Variants in EIF2B3 observed in about 807,000 individuals in gnomAD.
EIF2B3 encodes eukaryotic translation initiation factor 2B subunit gamma.
EIF2B3 carries 20 observed loss-of-function variants against 54.1 expected under a neutral mutation model. The observed-to-expected ratio is 0.37, with a 90% CI of 0.26 to 0.54. The LOEUF (loss-of-function observed/expected upper bound fraction) is 0.54. EIF2B3 is among the 20% of genes least tolerant of loss of function. The pLI is 0.86. For missense variants in EIF2B3, 448 were observed against 547.8 expected (o/e 0.82, Z 1.82); for synonymous variants, 153 against 188.1 (o/e 0.81, Z 1.52).
At chr1:44,877,192 TAAAAAAAAAAA>T (rs768263508) in intron 8 of EIF2B3, among the ~76,000 whole-genome samples, 20 of 52,054 alleles carry the variant, frequency 3.8e-4, no homozygotes, top group African/African-American at 6.2e-4. Flanking sequence ...GAATGATCAA[TAAAAAAAAAAA>T]AAAAAAAAAA....
chr1:44,880,304 G>T (rs1437520819), intron 7 of EIF2B3, among the ~76,000 whole-genome samples: 1 of 152,100 alleles, frequency 6.6e-6, no homozygotes, highest in African/African-American at 2.4e-5. Flanking sequence ...ACTAAAATCT[G>T]TAAGAGAAAG....
At chr1:44,898,236 C>T (rs1277534462) in intron 5 of EIF2B3, among the ~76,000 whole-genome samples, 1 of 152,138 alleles carries the variant, frequency 6.6e-6, no homozygotes, top group African/African-American at 2.4e-5. Context: ...GGACTCACCC[C>T]AGGATACACT....
intron 5 of EIF2B3, among the ~76,000 whole-genome samples, chr1:44,904,537 G>A (rs1259959871): frequency 2.0e-5 from 3 of 151,442 alleles, no homozygotes; most frequent in Non-Finnish European, 2.9e-5. Context: ...TTTTTGAGAC[G>A]GAGTCTCGTT....
chr1:44,926,065 T>TA (rs35945437), intron 5 of EIF2B3, among the ~76,000 whole-genome samples: 2 of 151,632 alleles, frequency 1.3e-5, no homozygotes, highest in African/African-American at 2.4e-5. Flanking sequence ...CCGTCTCTAC[T>TA]AAAAATACAA....
intron 4 of EIF2B3, among the ~76,000 whole-genome samples, chr1:44,932,116 A>AACACAC (rs59619203): frequency 4.0e-5 from 6 of 148,428 alleles, no homozygotes; most frequent in African/African-American, 1.5e-4. Flanking sequence ...TCTCAAAACG[A>AACACAC]ACACACACAC....
intron 1 of EIF2B3, among the ~76,000 whole-genome samples, chr1:44,986,138 C>CTTTTTT (rs66786376): frequency 7.0e-6 from 1 of 142,230 alleles, no homozygotes; most frequent in Non-Finnish European, 1.5e-5. Context: ...CTTTTCTTTT[C>CTTTTTT]TTTTTTTTTT....
intron 3 of EIF2B3, among the ~76,000 whole-genome samples, chr1:44,952,481 C>T (rs1448271658): frequency 6.6e-6 from 1 of 151,778 alleles, no homozygotes; most frequent in African/African-American, 2.4e-5. Context: ...ATCTTTCTGA[C>T]ACAAAATTAA....
chr1:44,858,478 T>A (rs1359739285), intron 10 of EIF2B3, among the ~76,000 whole-genome samples: 7 of 151,768 alleles, frequency 4.6e-5, no homozygotes, highest in East Asian at 1.9e-4. Context: ...TTCAAAAAAA[T>A]TTTTTTTTCT....
chr1:44,876,986 G>A (rs1655183577), intron 8 of EIF2B3, among the ~76,000 whole-genome samples: 1 of 148,650 alleles, frequency 6.7e-6, no homozygotes, highest in Non-Finnish European at 1.5e-5. Context: ...TTAAACAGAT[G>A]CTTGAAGGCA....
intron 5 of EIF2B3, among the ~76,000 whole-genome samples, chr1:44,913,912 C>T (rs991239164): frequency 1.1e-4 from 16 of 146,440 alleles, no homozygotes; most frequent in African/African-American, 3.3e-4. Context: ...CTGCAACCTC[C>T]GCCTCCCGGG....
intron 5 of EIF2B3, among the ~76,000 whole-genome samples, chr1:44,908,764 G>T (rs1422353153): frequency 1.3e-5 from 2 of 152,190 alleles, no homozygotes; most frequent in Non-Finnish European, 2.9e-5. Context: ...ATGGAGAAAA[G>T]GTTCCAGGAG....
chr1:44,874,597 G>A (rs773537895), intron 10 of EIF2B3, 81 bp downstream of exon 10: 1 of 1,507,186 alleles, frequency 6.6e-7, no homozygotes, highest in South Asian at 1.2e-5. Context: ...TACAATTTTA[G>A]GTTAAAATTA....
At chr1:44,960,783 C>T (rs1425518670) in intron 3 of EIF2B3, among the ~76,000 whole-genome samples, 3 of 152,058 alleles carry the variant, frequency 2.0e-5, no homozygotes, top group Admixed American at 6.5e-5. Flanking sequence ...TTTATAAAAG[C>T]AACATGAGCA....
chr1:44,939,715 T>C (rs1246354129), intron 4 of EIF2B3, among the ~76,000 whole-genome samples: 1 of 151,342 alleles, frequency 6.6e-6, no homozygotes, highest in East Asian at 1.9e-4. Flanking sequence ...ACTTAAGACA[T>C]AAAAACTATA....
intron 11 of EIF2B3, among the ~76,000 whole-genome samples, chr1:44,851,922 A>G (rs1357378837): frequency 1.3e-5 from 2 of 149,478 alleles, no homozygotes; most frequent in South Asian, 2.1e-4. Flanking sequence ...ACTATTCTCC[A>G]TTTTGCCAGT....
intron 5 of EIF2B3, among the ~76,000 whole-genome samples, chr1:44,913,264 T>C (rs1643552277): frequency 6.6e-6 from 1 of 152,136 alleles, no homozygotes; most frequent in African/African-American, 2.4e-5. Context: ...AAACTCCCTC[T>C]GCTTCCTACG....
rs564303431 is a variant in EIF2B3 at position 44,857,896 on chromosome 1, G to A, written c.1203-89C>T. 2,011 of 1,232,382 alleles carry A rather than the reference G, an allele frequency of 1.6e-3. 3 individuals are homozygous for A. Among genetic ancestry groups the A allele is most frequent in the Non-Finnish European group, 1.9e-3 (1,606 of 839,564 alleles). The allele number at this position is 1,232,382 out of a possible 1,614,324, so 76.3% of individuals were successfully genotyped here. A position where few individuals can be genotyped will look rare whatever the true frequency, so the allele number is the denominator to read the frequency against. The stretch of plus-strand genomic sequence containing the variant: ...GTTGGGGGTTCTGGCTCCTCCCTAG[G>A]CCAGGAACAGCTGGGCAGTCCAGTT... On this transcript the variant is annotated intron_variant, in intron 10 of 11. Coordinates refer to ENST00000360403, the MANE Select transcript of EIF2B3 (RefSeq NM_020365.5).
At chr1:44,920,513 C>T (rs944365384) in intron 5 of EIF2B3, among the ~76,000 whole-genome samples, 2 of 152,038 alleles carry the variant, frequency 1.3e-5, no homozygotes, top group African/African-American at 4.8e-5. Flanking sequence ...ACCCATTAAC[C>T]ATTCCCCACT....
chr1:44,944,319 A>G (rs558840327), intron 3 of EIF2B3, among the ~76,000 whole-genome samples: 1 of 152,048 alleles, frequency 6.6e-6, no homozygotes, highest in South Asian at 2.1e-4. Flanking sequence ...TGTCTTGGAA[A>G]ACCAATTATG....
Sources: allele counts gnomAD v4.1 joint callset (sites outside exome capture counted in the v4.1 genomes callset), GRCh38; gene constraint gnomAD v4.1.1; transcripts MANE v1.5; gene names NCBI Gene and HGNC (gene_info 2026-07-23, HGNC 2026-07-21).